Variants in RP1L1 observed in about 807,000 individuals in gnomAD.
The protein encoded by RP1L1 is retinitis pigmentosa 1-like 1 protein.
Under a neutral mutation model 15.7 loss-of-function variants are expected in RP1L1, and 27 were observed. The ratio of observed to expected loss-of-function variants is 1.72; its 90% CI spans 1.27 to 2.38. RP1L1 has a LOEUF of 2.38. Ranked by LOEUF, RP1L1 falls within the 30% of genes most tolerant of loss-of-function variation. The probability of loss-of-function intolerance (pLI) is 0.00; values close to 1 mark genes in which losing one functional copy is unlikely to be tolerated. For synonymous variants in RP1L1, 1,813 were observed against 1,276.7 expected (o/e 1.42, Z -8.96); for missense variants, 4,798 against 3,075.9 (o/e 1.56, Z -13.24).
At chr8:10,614,522 G>A (rs749758909) in intron 3 of RP1L1, among the ~76,000 whole-genome samples, 10 of 152,050 alleles carry the variant, frequency 6.6e-5, no homozygotes, top group African/African-American at 1.7e-4. Context: ...ATAGCTGGGC[G>A]TGGTTGTGGG....
rs192990137 is a variant in RP1L1, at chr8:10,607,498, C to T, written c.6600G>A (p.Glu2200=). 1,343 of 1,607,680 alleles carry T rather than the reference C, an allele frequency of 8.4e-4. 2 individuals carry two copies. Among genetic ancestry groups the T allele is most frequent in the Non-Finnish European group, 1.1e-3 (1,257 of 1,175,874 alleles). The change falls in exon 4 of 4, where the codon GAG becomes GAA. Residue 2200 remains glutamate (E), a synonymous_variant. Coordinates refer to ENST00000382483, the MANE Select transcript of RP1L1 (RefSeq NM_178857.6). ...ACTCTGGTTGGGCCTCCCCTTCTGC[C>T]TCTGGGGCCTCTATACCTTCTGACT... ...QPESEGIEAP[E]AEGEAQPELE...
At chr8:10,625,396 T>C (rs541419287) in intron 1 of RP1L1, among the ~76,000 whole-genome samples, 20 of 151,154 alleles carry the variant, frequency 1.3e-4, no homozygotes, top group Admixed American at 5.9e-4. Flanking sequence ...TGCGAGGAAA[T>C]GCTGGGAGGA....
intron 1 of RP1L1, among the ~76,000 whole-genome samples, chr8:10,650,559 T>C (rs1385771897): frequency 2.0e-5 from 3 of 151,674 alleles, no homozygotes; most frequent in Non-Finnish European, 4.4e-5. Flanking sequence ...AGTTCTTTTT[T>C]TTTTTTTTTT....
At position 10,607,311 on chromosome 8, in the gene RP1L1, C is replaced by G. The variant is rs1345941266; in HGVS notation, c.6787G>C (p.Glu2263Gln). ...GGGCTGCTGCTTTCAGAAGCCTCCTCAGATTGGCCATCTCCTAGACTGACC... is the reference window on the plus strand; with the variant it reads ...GGGCTGCTGCTTTCAGAAGCCTCCTGAGATTGGCCATCTCCTAGACTGACC... ...PQVSLGDGQS[E>Q]EASESSSPVP... is the part of the protein sequence containing the mutation. The change falls in exon 4 of 4, where the codon GAG (glutamate) becomes CAG (glutamine). Residue 2263 changes from glutamate (E) to glutamine (Q), a missense_variant. By Grantham distance (29) the Glu-to-Gln change is conservative. Coordinates refer to ENST00000382483, the MANE Select transcript of RP1L1 (RefSeq NM_178857.6). 1.2e-6 allele frequency: 2 copies of G among 1,614,090 alleles called. No individual in the cohort carries two copies. The highest frequency in any genetic ancestry group is 1.7e-6 in the Non-Finnish European group (2 of 1,180,038).
In RP1L1 at chr8:10,622,985, G is replaced by C; in HGVS notation, c.217C>G (p.Pro73Ala). 1.2e-6 allele frequency: 2 copies of C among 1,614,144 alleles called. No individual in the cohort carries two copies. The highest frequency in any genetic ancestry group is 1.7e-6 in the Non-Finnish European group (2 of 1,180,018). The change falls in exon 2 of 4, where the codon CCT (proline) becomes GCT (alanine). Residue 73 changes from proline (P) to alanine (A), a missense_variant. Transcript: ENST00000382483. ...ALMDELSQRV[P>A]LSFGVRSVTT... ...ACAGAGCGCACCCCAAAGGAGAGAG[G>C]CACGCGCTGGGAGAGCTCGTCCATG...
At chr8:10,651,450 C>A (rs1040584830) in intron 1 of RP1L1, among the ~76,000 whole-genome samples, 1 of 152,070 alleles carries the variant, frequency 6.6e-6, no homozygotes, top group Admixed American at 6.5e-5. Context: ...ATGCTCGGGC[C>A]GGGCGCAGTG....
Position 10,622,667 on chromosome 8 carries a change from C to T in RP1L1, c.535G>A (p.Ala179Thr), listed in dbSNP as rs1798080750. 6.2e-7 allele frequency: 1 copy of T among 1,614,164 alleles called. No homozygotes were observed. The highest frequency in any genetic ancestry group is 1.1e-5 in the South Asian group (1 of 91,068). The change falls in exon 2 of 4, where the codon GCC (alanine) becomes ACC (threonine). Residue 179 changes from alanine (A) to threonine (T), a missense_variant. By Grantham distance (58) the Ala-to-Thr change is moderately conservative. Transcript: ENST00000382483. ...TCTGAGGCTTTGCCGAGAAAGGCGG[C>T]CAGGTTCCTAGTATTCCTGTGACTG... Reference protein sequence around the residue: ...VLSHRNTRNLAAFLGKASDLL... With the variant: ...VLSHRNTRNLTAFLGKASDLL...
intron 1 of RP1L1, among the ~76,000 whole-genome samples, chr8:10,627,093 A>G (rs1291570467): frequency 6.6e-6 from 1 of 152,122 alleles, no homozygotes; most frequent in Non-Finnish European, 1.5e-5. Context: ...CAAAAATGGA[A>G]GCATAGAATT....
intron 1 of RP1L1, among the ~76,000 whole-genome samples, chr8:10,623,942 C>T (rs145050899): frequency 1.8e-3 from 272 of 150,842 alleles, no homozygotes; most frequent in African/African-American, 6.4e-3. Context: ...GTGTCCCCAG[C>T]ACCTCCACAT....
chr8:10,609,800 C>T lies in RP1L1; in HGVS notation c.4298G>A (p.Gly1433Glu). ...CGGCTCTGCAGAGGCAGAGGCTCTT[C>T]CTGCTTCCTCCTCCTGGACTGGGTC... The part of the protein sequence containing the change: ...EDDPVQEEEA[G>E]RASASAEPCP... The change falls in exon 4 of 4, where the codon GGA becomes GAA. Residue 1433 changes from glycine to glutamate, a missense_variant. Gly to Glu is a moderately conservative substitution (Grantham distance 98). Coordinates refer to ENST00000382483, the MANE Select transcript of RP1L1 (RefSeq NM_178857.6). 4 of 1,614,030 alleles carry T rather than the reference C, an allele frequency of 2.5e-6. No homozygotes were observed. Among genetic ancestry groups the T allele is most frequent in the Non-Finnish European group, 3.4e-6 (4 of 1,180,018 alleles).
At chr8:10,617,670 C>T (rs921543232) in intron 2 of RP1L1, among the ~76,000 whole-genome samples, 1 of 149,844 alleles carries the variant, frequency 6.7e-6, no homozygotes, top group Admixed American at 6.7e-5. Flanking sequence ...CATTCTCCTG[C>T]CTCAGCCTCC....
At position 10,612,561 on chromosome 8, in the gene RP1L1, C is replaced by T. The variant is rs1365923212; in HGVS notation, c.1537G>A (p.Gly513Ser). The T allele has an allele frequency of 6.2e-7, 1 of 1,607,710 alleles. No individual in the cohort carries two copies. The highest frequency in any genetic ancestry group is 1.1e-5 in the South Asian group (1 of 91,076). The change falls in exon 4 of 4, where the codon GGC becomes AGC. Residue 513 changes from glycine to serine, a missense_variant. Physicochemically the swap from Gly to Ser is moderately conservative, Grantham distance 56 (BLOSUM62 0). Coordinates refer to ENST00000382483, the MANE Select transcript of RP1L1 (RefSeq NM_178857.6). ...AGGCGGCCGCCTTGCTCTGGGCCGC[C>T]CAGCCCTGCTCCATCTATGCATAGG... The part of the protein sequence containing the change: ...PGLCIDGAGL[G>S]GPEQGGRLTP...
At chr8:10,641,589 T>A (rs1798408598) in intron 1 of RP1L1, among the ~76,000 whole-genome samples, 1 of 152,246 alleles carries the variant, frequency 6.6e-6, no homozygotes, top group African/African-American at 2.4e-5. Flanking sequence ...GAAAGAGCTT[T>A]TAACCTTTTT....
intron 1 of RP1L1, among the ~76,000 whole-genome samples, chr8:10,631,607 C>T (rs2117242898): frequency 6.6e-6 from 1 of 152,330 alleles, no homozygotes. Context: ...AAGGAGACAT[C>T]CGAGGCTTGG....
At chr8:10,618,503 T>A (rs149531937) in intron 2 of RP1L1, among the ~76,000 whole-genome samples, 39 of 152,100 alleles carry the variant, frequency 2.6e-4, no homozygotes, top group African/African-American at 9.2e-4. Flanking sequence ...TGAAACTCCA[T>A]CTCAAAAACA....
chr8:10,649,169 G>A (rs955557756), intron 1 of RP1L1, among the ~76,000 whole-genome samples: 1 of 152,224 alleles, frequency 6.6e-6, no homozygotes, highest in Non-Finnish European at 1.5e-5. Context: ...GGAAGCGTGA[G>A]ATTCAAACAA....
At chr8:10,647,524 C>A (rs1457469375) in intron 1 of RP1L1, among the ~76,000 whole-genome samples, 1 of 152,186 alleles carries the variant, frequency 6.6e-6, no homozygotes, top group Non-Finnish European at 1.5e-5. Flanking sequence ...TGACAGCCAC[C>A]ATTTTGCTTT....
Position 10,610,839 on chromosome 8 carries a change from T to C in RP1L1, c.3259A>G (p.Arg1087Gly), listed in dbSNP as rs779901246. The C allele has an allele frequency of 1.9e-6, 3 of 1,608,232 alleles. No individual in the cohort carries two copies. Among genetic ancestry groups the C allele is most frequent in the South Asian group, 1.1e-5 (1 of 90,924 alleles). ...GRVSASTQIM[R>G]ALMGSKQGRP... ...CCCTGCTTGGAGCCCATCAGCGCCC[T>C]CATGATCTGCGTGGAGGCAGACACC... The change falls in exon 4 of 4, where the codon AGG becomes GGG. Residue 1087 changes from arginine (R) to glycine (G), a missense_variant. Physicochemically the swap from Arg to Gly is moderately radical, Grantham distance 125. Coordinates refer to ENST00000382483, the MANE Select transcript of RP1L1 (RefSeq NM_178857.6).
At position 10,612,482 on chromosome 8, in the gene RP1L1, G is replaced by C; in HGVS notation, c.1616C>G (p.Thr539Ser). 1 of 1,612,612 alleles carries C rather than the reference G, an allele frequency of 6.2e-7. No homozygotes were observed. The highest frequency in any genetic ancestry group is 2.2e-5 in the East Asian group (1 of 44,870). ...TTCGCTGGATCCCTCATGAGAGCCGGTGCTGGCTGACGAGTCCGAAGAAGC... is the reference window on the plus strand; with the variant it reads ...TTCGCTGGATCCCTCATGAGAGCCGCTGCTGGCTGACGAGTCCGAAGAAGC... ...EGASSDSSAS[T>S]GSHEGSSEWG... is the part of the protein sequence containing the mutation. The change falls in exon 4 of 4, where the codon ACC becomes AGC. Residue 539 changes from threonine to serine, a missense_variant. By Grantham distance (58) the Thr-to-Ser change is moderately conservative. Transcript: ENST00000382483.
Sources: gnomAD v4.1 joint callset for allele counts (sites outside exome capture counted in the v4.1 genomes callset) on GRCh38, gnomAD v4.1.1 for gene constraint, MANE v1.5 for transcripts, NCBI Gene and HGNC (gene_info 2026-07-23, HGNC 2026-07-21) for gene names.